The following SGCG variants were observed in gnomAD, a reference collection of about 807,000 sequenced individuals.
SGCG encodes gamma-sarcoglycan.
A neutral mutation model predicts 29.3 loss-of-function variants in SGCG; 26 were observed. That is an observed-to-expected ratio of 0.89 (90% CI 0.65 to 1.23). SGCG has a LOEUF of 1.23. Among genes scored for constraint, SGCG ranks in the 50% most tolerant of loss-of-function variants. The pLI is 0.00. For missense variants in SGCG, 353 were observed against 356.0 expected, an observed-to-expected ratio of 0.99 and a Z score of 0.07; for synonymous variants, 145 against 129.7, an observed-to-expected ratio of 1.12 and a Z score of -0.80.
chr13:23,252,231 C>G (rs767952537), intron 4 of SGCG, among the ~76,000 whole-genome samples: 1 of 152,120 alleles, frequency 6.6e-6, no homozygotes, highest in African/African-American at 2.4e-5. Flanking sequence ...CTGCCTATAG[C>G]TTTCAAGTGT....
intron 2 of SGCG, 55 bp from the exon 3 acceptor site, chr13:23,234,556 A>G: frequency 1.7e-6 from 2 of 1,174,860 alleles, no homozygotes; most frequent in South Asian, 2.4e-5. Context: ...TATTAAGAGG[A>G]ATGAAAAAGC....
At chr13:23,272,236 T>C (rs1282576010) in intron 4 of SGCG, among the ~76,000 whole-genome samples, 1 of 152,190 alleles carries the variant, frequency 6.6e-6, no homozygotes, top group Non-Finnish European at 1.5e-5. Context: ...GTTTCCAATC[T>C]TAGTGGAAAT....
intron 5 of SGCG, among the ~76,000 whole-genome samples, chr13:23,279,966 G>T (rs1031062559): frequency 1.3e-5 from 2 of 152,024 alleles, no homozygotes; most frequent in Non-Finnish European, 2.9e-5. Context: ...GACCTCAAAT[G>T]ATTCACCCAC....
intron 4 of SGCG, among the ~76,000 whole-genome samples, chr13:23,277,577 A>G (rs12872214): frequency 0.085 from 12,935 of 152,232 alleles, 723 homozygotes; most frequent in South Asian, 0.15. Context: ...GGATCAATGC[A>G]TTAATAGAAA....
chr13:23,251,124 T>A (rs1318896037), intron 4 of SGCG, among the ~76,000 whole-genome samples: 1 of 152,226 alleles, frequency 6.6e-6, no homozygotes, highest in Admixed American at 6.5e-5. Context: ...CTCCTCCCCA[T>A]GTGCTCCATT....
intron 1 of SGCG, among the ~76,000 whole-genome samples, chr13:23,193,499 G>C (rs1318687351): frequency 6.6e-6 from 1 of 150,512 alleles, no homozygotes. Flanking sequence ...GGCAGGCAGG[G>C]CTTGCTGATG....
chr13:23,258,643 C>T (rs1320466297), intron 4 of SGCG, among the ~76,000 whole-genome samples: 1 of 152,136 alleles, frequency 6.6e-6, no homozygotes, highest in Non-Finnish European at 1.5e-5. Context: ...AAAGGGAATG[C>T]TTCCAGTTTT....
chr13:23,188,397 C>T (rs186802832), intron 1 of SGCG, among the ~76,000 whole-genome samples: 221 of 143,806 alleles, frequency 1.5e-3, no homozygotes, highest in African/African-American at 5.5e-3. Flanking sequence ...GCGATCTCGG[C>T]TCACTGCAAT....
At chr13:23,318,335 CTAA>C (rs1463768944) in intron 6 of SGCG, among the ~76,000 whole-genome samples, 4 of 151,432 alleles carry the variant, frequency 2.6e-5, no homozygotes, top group Admixed American at 6.6e-5. Flanking sequence ...TTTAATTGAA[CTAA>C]TGAGAAGAGA....
intron 5 of SGCG, 133 bp downstream of exon 5, chr13:23,279,611 T>C: frequency 1.2e-6 from 1 of 846,746 alleles, no homozygotes. Context: ...TTTTCTCCAT[T>C]GCATTTCTGT....
intron 5 of SGCG, among the ~76,000 whole-genome samples, chr13:23,289,151 A>G (rs763779525): frequency 7.2e-5 from 11 of 152,220 alleles, no homozygotes; most frequent in Non-Finnish European, 1.2e-4. Context: ...GGAGTACCAT[A>G]TCCTTCAAAC....
At chr13:23,311,422 T>C (rs1276322342) in intron 6 of SGCG, among the ~76,000 whole-genome samples, 1 of 152,248 alleles carries the variant, frequency 6.6e-6, no homozygotes, top group Non-Finnish European at 1.5e-5. Context: ...CCTCATTCTC[T>C]AGAGGGTAGA....
At chr13:23,189,396 C>T (rs918992476) in intron 1 of SGCG, among the ~76,000 whole-genome samples, 2 of 152,120 alleles carry the variant, frequency 1.3e-5, no homozygotes, top group Non-Finnish European at 2.9e-5. Flanking sequence ...AGGCTGGTGT[C>T]GAACTCCTGA....
chr13:23,233,556 AT>A (rs1326138548), intron 2 of SGCG, among the ~76,000 whole-genome samples: 1 of 152,112 alleles, frequency 6.6e-6, no homozygotes, highest in African/African-American at 2.4e-5. Context: ...TTTAATGGGT[AT>A]AGTGTTTAAT....
intron 3 of SGCG, 139 bp downstream of exon 3, chr13:23,234,851 C>A: frequency 1.5e-6 from 1 of 650,790 alleles, no homozygotes. Flanking sequence ...TTATAAAAAG[C>A]TTGACTATTG....
chr13:23,192,034 G>A (rs1363202197), intron 1 of SGCG, among the ~76,000 whole-genome samples: 1 of 151,826 alleles, frequency 6.6e-6, no homozygotes, highest in Non-Finnish European at 1.5e-5. Flanking sequence ...AATAAGCCGG[G>A]CGTGGTGGCG....
At chr13:23,296,374 T>C (rs1593096027) in intron 6 of SGCG, among the ~76,000 whole-genome samples, 1 of 152,366 alleles carries the variant, frequency 6.6e-6, no homozygotes, top group East Asian at 1.9e-4. Flanking sequence ...AATCCATATT[T>C]GCAAAATAGT....
intron 5 of SGCG, among the ~76,000 whole-genome samples, chr13:23,287,955 A>C (rs1881560260): frequency 6.6e-6 from 1 of 152,124 alleles, no homozygotes; most frequent in Non-Finnish European, 1.5e-5. Context: ...GGGTTTCACC[A>C]TGTTAGCCAG....
At chr13:23,213,854 C>T (rs1051466902) in intron 2 of SGCG, among the ~76,000 whole-genome samples, 7 of 152,202 alleles carry the variant, frequency 4.6e-5, no homozygotes, top group South Asian at 2.1e-4. Context: ...TGTAGGCTAC[C>T]GAGGCTCAGC....
Sources: gnomAD v4.1 joint callset for allele counts (sites outside exome capture counted in the v4.1 genomes callset) on GRCh38, gnomAD v4.1.1 for gene constraint, MANE v1.5 for transcripts, NCBI Gene and HGNC (gene_info 2026-07-23, HGNC 2026-07-21) for gene names.